Variants in CTNNAL1 observed in about 807,000 individuals in gnomAD.
The protein encoded by CTNNAL1 is catenin alpha like 1.
In CTNNAL1, 69 loss-of-function variants were observed where a neutral mutation model predicts 93.6. The ratio of observed to expected loss-of-function variants is 0.74; its 90% CI spans 0.61 to 0.90. The LOEUF is 0.90. Ranked by LOEUF, CTNNAL1 falls within the 40% of genes least tolerant of loss-of-function variation. The pLI is 0.00. For missense variants in CTNNAL1, 836 were observed against 862.0 expected (o/e 0.97, Z 0.38); for synonymous variants, 286 against 305.4 (o/e 0.94, Z 0.66).
chr9:109,000,335 C>G (rs1311412731), intron 1 of CTNNAL1, among the ~76,000 whole-genome samples: 1 of 152,056 alleles, frequency 6.6e-6, no homozygotes, highest in East Asian at 1.9e-4. Flanking sequence ...GGTAGAATAG[C>G]AATAATTCAG....
chr9:109,005,702 T>C (rs1348160841), intron 1 of CTNNAL1, among the ~76,000 whole-genome samples: 3 of 152,234 alleles, frequency 2.0e-5, no homozygotes, highest in African/African-American at 7.2e-5. Context: ...CTATTTTTTA[T>C]AGCAATCCGA....
At chr9:109,003,739 C>T (rs2132211246) in intron 1 of CTNNAL1, among the ~76,000 whole-genome samples, 1 of 152,280 alleles carries the variant, frequency 6.6e-6, no homozygotes, top group East Asian at 1.9e-4. Context: ...GGAACTACTA[C>T]ATACAAGAAG....
chr9:109,012,809 T>A (rs1471640599), intron 1 of CTNNAL1, among the ~76,000 whole-genome samples: 1 of 152,030 alleles, frequency 6.6e-6, no homozygotes, highest in African/African-American at 2.4e-5. Flanking sequence ...GAGCGCACGC[T>A]GGGCGGGGAG....
intron 9 of CTNNAL1, 42 bp downstream of exon 9, chr9:108,972,633 C>G: frequency 1.3e-6 from 2 of 1,487,134 alleles, no homozygotes; most frequent in South Asian, 1.2e-5. Context: ...TTTAATAAAG[C>G]CATTATTAAA....
chr9:108,953,043 C>T (rs1830605812), intron 12 of CTNNAL1, among the ~76,000 whole-genome samples: 1 of 152,092 alleles, frequency 6.6e-6, no homozygotes, highest in Admixed American at 6.6e-5. Context: ...AATCTCATAT[C>T]CCAAGTTATA....
intron 4 of CTNNAL1, among the ~76,000 whole-genome samples, chr9:108,987,425 A>C (rs1831647103): frequency 6.6e-6 from 1 of 152,214 alleles, no homozygotes; most frequent in African/African-American, 2.4e-5. Context: ...TGTTTTGGTT[A>C]CTGTAGCCTT....
intron 15 of CTNNAL1, among the ~76,000 whole-genome samples, chr9:108,945,443 A>G (rs2132077922): frequency 6.8e-6 from 1 of 148,106 alleles, no homozygotes; most frequent in South Asian, 2.2e-4. Context: ...TACTGTTGTT[A>G]TATTTTATTG....
chr9:108,969,449 T>C (rs1831047853), intron 10 of CTNNAL1, among the ~76,000 whole-genome samples: 1 of 152,204 alleles, frequency 6.6e-6, no homozygotes, highest in African/African-American at 2.4e-5. Context: ...TATTGTCATA[T>C]AGGTATTTTC....
intron 4 of CTNNAL1, among the ~76,000 whole-genome samples, chr9:108,986,301 G>A (rs1046770748): frequency 1.3e-5 from 2 of 150,594 alleles, no homozygotes; most frequent in African/African-American, 4.9e-5. Flanking sequence ...CCTTGCGATA[G>A]TTTACTGAGA....
chr9:108,987,519 T>G (rs1244658637), intron 4 of CTNNAL1, among the ~76,000 whole-genome samples: 1 of 151,964 alleles, frequency 6.6e-6, no homozygotes, highest in Non-Finnish European at 1.5e-5. Context: ...CGGGCTCTTT[T>G]TTGGTTCCAT....
intron 3 of CTNNAL1, chr9:108,991,862 C>T (rs1831818639): frequency 2.4e-5 from 13 of 544,342 alleles, no homozygotes; most frequent in South Asian, 6.6e-5. Context: ...AAGAAGTGAT[C>T]GTACATACCC....
intron 6 of CTNNAL1, among the ~76,000 whole-genome samples, chr9:108,982,777 C>A (rs1406515223): frequency 6.6e-6 from 1 of 152,192 alleles, no homozygotes; most frequent in Non-Finnish European, 1.5e-5. Flanking sequence ...AATGATGCTC[C>A]TTTAAAATGG....
chr9:108,972,842 G>A lies in CTNNAL1; in HGVS notation c.1189-9C>T. The A allele has an allele frequency of 2.3e-6, 3 of 1,285,354 alleles. No homozygotes were observed. The highest frequency in any genetic ancestry group is 5.2e-5 in the South Asian group (2 of 38,302). 79.6% of individuals were successfully genotyped at this position (1,285,354 alleles called of 1,614,324 possible). A position where few individuals can be genotyped will look rare whatever the true frequency, so the allele number is the denominator to read the frequency against. ...GTCGCTGTACTATGAAGCTGCAGAT[G>A]TGTGTGTGGGTGGGGGGGTGGGAGG... On this transcript the variant is annotated splice_polypyrimidine_tract_variant and intron_variant, in intron 8 of 18. Transcript: ENST00000325551.
In CTNNAL1 at chr9:108,976,983, A is replaced by T; in HGVS notation, c.1167T>A (p.Ser389Arg). The T allele has an allele frequency of 6.7e-7, 1 of 1,496,312 alleles. No individual in the cohort carries two copies. Among genetic ancestry groups the T allele is most frequent in the African/African-American group, 1.4e-5 (1 of 69,640 alleles). 92.7% of individuals were successfully genotyped at this position (1,496,312 alleles called of 1,614,324 possible). Residue 389 changes from serine (S) to arginine (R), a missense_variant, in exon 8 of 19, where the codon AGT becomes AGA. Physicochemically the swap from Ser to Arg is moderately radical, Grantham distance 110 (BLOSUM62 -1). Coordinates refer to ENST00000325551, the MANE Select transcript of CTNNAL1 (RefSeq NM_003798.4). ...LELSILKISHSLNELKKELHS... is the reference protein window; with the variant it reads ...LELSILKISHRLNELKKELHS... The stretch of plus-strand genomic sequence containing the variant: ...TTACTTCTTTCTTAAGTTCATTAAG[A>T]CTGTGACTGATTTTCAAAATACTGA...
intron 8 of CTNNAL1, 124 bp downstream of exon 8, chr9:108,976,838 G>A (rs991115865): frequency 9.1e-6 from 4 of 441,498 alleles, no homozygotes; most frequent in African/African-American, 2.1e-5. Flanking sequence ...TGGCCTCAAA[G>A]GAAAACTTTT....
At position 108,943,020 on chromosome 9, in the gene CTNNAL1, T is replaced by G; in HGVS notation, c.2080A>C (p.Arg694=). The part of the protein sequence containing the change: ...LKVDKCITKT[R]SMMALLVQLL... Reference sequence around the variant, plus strand: ...TGGACTAAGAGAGCCATCATGGATCTTGTCTTCGTAATACACTTGTCAACC... The same window carrying G: ...TGGACTAAGAGAGCCATCATGGATCGTGTCTTCGTAATACACTTGTCAACC... The change falls in exon 18 of 19, where the codon AGA becomes CGA. Residue 694 remains arginine (R), a synonymous_variant. Coordinates refer to ENST00000325551, the MANE Select transcript of CTNNAL1 (RefSeq NM_003798.4). 1 of 1,612,452 alleles carries G rather than the reference T, an allele frequency of 6.2e-7. No homozygotes were observed.
intron 4 of CTNNAL1, among the ~76,000 whole-genome samples, chr9:108,987,510 G>A (rs1407080817): frequency 4.0e-5 from 6 of 151,770 alleles, no homozygotes; most frequent in Non-Finnish European, 5.9e-5. Flanking sequence ...TTGGCAATGC[G>A]GGCTCTTTTT....
At chr9:108,956,930 T>C (rs1055230861) in intron 11 of CTNNAL1, among the ~76,000 whole-genome samples, 5 of 151,706 alleles carry the variant, frequency 3.3e-5, no homozygotes, top group Non-Finnish European at 7.4e-5. Context: ...TTACAAGTGT[T>C]TAATACATAA....
At chr9:109,001,080 G>GA (rs367862360) in intron 1 of CTNNAL1, among the ~76,000 whole-genome samples, 11 of 149,508 alleles carry the variant, frequency 7.4e-5, no homozygotes, top group African/African-American at 2.7e-4. Context: ...GCTGAGGCAG[G>GA]AGAATTGCTT....
Sources: gnomAD v4.1 joint callset for allele counts (sites outside exome capture counted in the v4.1 genomes callset) on GRCh38, gnomAD v4.1.1 for gene constraint, MANE v1.5 for transcripts, NCBI Gene and HGNC (gene_info 2026-07-23, HGNC 2026-07-21) for gene names.